Variants in NPHP4 observed in about 807,000 individuals in gnomAD.
NPHP4 encodes nephrocystin 4.
A neutral mutation model predicts 155.8 loss-of-function variants in NPHP4; 151 were observed. The observed-to-expected ratio is 0.97, with a 90% confidence interval of 0.85 to 1.11. The LOEUF (loss-of-function observed/expected upper bound fraction) is 1.11. NPHP4 is among the 50% of genes least tolerant of loss of function. The pLI, the probability that NPHP4 is intolerant of heterozygous loss-of-function variation, is 0.00. For synonymous variants in NPHP4, 845 were observed against 816.8 expected (o/e 1.03, Z -0.59); for missense variants, 1,956 against 1,925.7 (o/e 1.02, Z -0.29).
intron 2 of NPHP4, among the ~76,000 whole-genome samples, chr1:5,985,408 G>A (rs745726572): frequency 2.6e-5 from 4 of 152,240 alleles, no homozygotes; most frequent in Non-Finnish European, 5.9e-5. Flanking sequence ...ACAGATGGAT[G>A]TGCCGCCATC....
At chr1:5,981,965 C>G (rs1217653639) in intron 2 of NPHP4, among the ~76,000 whole-genome samples, 1 of 152,176 alleles carries the variant, frequency 6.6e-6, no homozygotes. Flanking sequence ...AGTGTTCCCT[C>G]CTCCTCTATT....
chr1:5,963,929 C>T (rs1056416306), intron 5 of NPHP4, among the ~76,000 whole-genome samples: 6 of 152,186 alleles, frequency 3.9e-5, no homozygotes, highest in African/African-American at 1.4e-4. Flanking sequence ...CTCAGGTGAT[C>T]TGCCTGCCTT....
chr1:5,952,953 C>G, intron 6 of NPHP4, 117 bp from the exon 7 acceptor site: 1 of 896,538 alleles, frequency 1.1e-6, no homozygotes, highest in Non-Finnish European at 1.7e-6. Flanking sequence ...GAAGGGTGCT[C>G]GGGACTCCCA....
intron 16 of NPHP4, among the ~76,000 whole-genome samples, chr1:5,897,307 T>A (rs900556990): frequency 6.6e-6 from 1 of 152,166 alleles, no homozygotes; most frequent in African/African-American, 2.4e-5. Context: ...CCAAAAAATG[T>A]CGCCAAGAAT....
In NPHP4 at chr1:5,866,415, C is replaced by G; in HGVS notation, c.3602G>C (p.Gly1201Ala). The G allele has an allele frequency of 6.2e-7, 1 of 1,608,718 alleles. No homozygotes were observed. Among genetic ancestry groups the G allele is most frequent in the Non-Finnish European group, 8.5e-7 (1 of 1,177,208 alleles). Residue 1201 changes from glycine (G) to alanine (A), a missense_variant, in exon 26 of 30, where the codon GGT (glycine) becomes GCT (alanine). Transcript: ENST00000378156. The part of the protein sequence containing the change: ...PRDIFLKVAS[G>A]PSPEIKDFFV... ...GAAGTCTTTGATCTCCGGGCTTGGACCACTGGCCACCTTCAGAAATATGTC... is the reference window on the plus strand; with the variant it reads ...GAAGTCTTTGATCTCCGGGCTTGGAGCACTGGCCACCTTCAGAAATATGTC...
chr1:5,982,849 T>C (rs1026998625), intron 2 of NPHP4, among the ~76,000 whole-genome samples: 2 of 152,240 alleles, frequency 1.3e-5, no homozygotes, highest in African/African-American at 4.8e-5. Flanking sequence ...ATATTATTTA[T>C]TTCTAACTTA....
Position 5,969,170 on chromosome 1 carries a change from G to A in NPHP4, c.369C>T (p.Leu123=). Residue 123 remains leucine, a synonymous_variant, in exon 4 of 30, where the codon CTC becomes CTT. Transcript: ENST00000378156. ...TTCCAAACCCACAGGACAATGTCTG[G>A]AGGCTCCCATCCCGTTTCTTGCCCT... The part of the protein sequence containing the change: ...VAEGKKRDGS[L]QTLSCGFGIL... 1 of 1,563,654 alleles carries A rather than the reference G, an allele frequency of 6.4e-7. No individual in the cohort carries two copies. Among genetic ancestry groups the A allele is most frequent in the Non-Finnish European group, 8.7e-7 (1 of 1,153,394 alleles).
chr1:5,898,858 C>G (rs932833870), intron 16 of NPHP4, among the ~76,000 whole-genome samples: 3 of 152,228 alleles, frequency 2.0e-5, no homozygotes, highest in Non-Finnish European at 4.4e-5. Flanking sequence ...CACACACACA[C>G]ACAGACAACA....
intron 16 of NPHP4, among the ~76,000 whole-genome samples, chr1:5,901,295 A>G (rs1327715020): frequency 6.6e-6 from 1 of 152,268 alleles, no homozygotes; most frequent in Non-Finnish European, 1.5e-5. Flanking sequence ...AGTGAGGCTT[A>G]TGAGAGGCTC....
intron 23 of NPHP4, among the ~76,000 whole-genome samples, chr1:5,871,781 T>C (rs1004401936): frequency 3.3e-5 from 5 of 152,086 alleles, no homozygotes; most frequent in Non-Finnish European, 1.5e-5. Flanking sequence ...CGGGTCCTGA[T>C]CCAAACGCAC....
intron 16 of NPHP4, among the ~76,000 whole-genome samples, chr1:5,901,113 G>C (rs192988568): frequency 1.4e-4 from 21 of 152,148 alleles, no homozygotes; most frequent in Middle Eastern, 3.4e-3. Flanking sequence ...CTGTTGGGGT[G>C]GGGGGAGGTC....
chr1:5,931,749 A>C (rs1570495660), intron 10 of NPHP4, among the ~76,000 whole-genome samples: 1 of 151,474 alleles, frequency 6.6e-6, no homozygotes. Context: ...AAAAAAAAAA[A>C]AAAAAAAAAC....
chr1:5,926,271 G>A (rs1205724616), intron 11 of NPHP4, among the ~76,000 whole-genome samples: 1 of 152,184 alleles, frequency 6.6e-6, no homozygotes, highest in East Asian at 1.9e-4. Flanking sequence ...AATACTTAAT[G>A]ATGTAGTTTG....
chr1:5,956,187 A>G (rs1276630063), intron 6 of NPHP4, among the ~76,000 whole-genome samples: 1 of 152,124 alleles, frequency 6.6e-6, no homozygotes, highest in African/African-American at 2.4e-5. Flanking sequence ...AGAGGCAGCA[A>G]CTCAGTGGAG....
At chr1:5,955,734 C>G (rs1649069709) in intron 6 of NPHP4, among the ~76,000 whole-genome samples, 1 of 152,186 alleles carries the variant, frequency 6.6e-6, no homozygotes, top group Non-Finnish European at 1.5e-5. Flanking sequence ...CAGTGGTTAT[C>G]AGAGACTGAG....
At chr1:5,874,280 G>A (rs922584434) in intron 22 of NPHP4, among the ~76,000 whole-genome samples, 191 bp downstream of exon 22, 1 of 124,404 alleles carries the variant, frequency 8.0e-6, no homozygotes, top group African/African-American at 3.0e-5. Context: ...GGCTGGAAAA[G>A]AGAAGGGGCT....
intron 16 of NPHP4, among the ~76,000 whole-genome samples, chr1:5,900,680 A>G (rs1644630571): frequency 6.6e-6 from 1 of 152,202 alleles, no homozygotes; most frequent in Non-Finnish European, 1.5e-5. Context: ...AATGAACTTT[A>G]GTGTAAACTA....
At chr1:5,982,023 T>A (rs1654788999) in intron 2 of NPHP4, among the ~76,000 whole-genome samples, 1 of 152,238 alleles carries the variant, frequency 6.6e-6, no homozygotes, top group African/African-American at 2.4e-5. Context: ...TAGTATCTGA[T>A]AAAATTCAAC....
chr1:5,963,667 G>A (rs1323665491), intron 5 of NPHP4, among the ~76,000 whole-genome samples: 4 of 149,332 alleles, frequency 2.7e-5, no homozygotes, highest in Non-Finnish European at 5.9e-5. Flanking sequence ...CCACTGCAAC[G>A]GGGTTTCCAA....
Sources: allele counts gnomAD v4.1 joint callset (sites outside exome capture counted in the v4.1 genomes callset), GRCh38; gene constraint gnomAD v4.1.1; transcripts MANE v1.5; gene names NCBI Gene and HGNC (gene_info 2026-07-23, HGNC 2026-07-21).